Variants in ANKS1B observed in about 807,000 individuals in gnomAD.
ANKS1B encodes the protein ankyrin repeat and sterile alpha motif domain containing 1B.
A neutral mutation model predicts 148.3 loss-of-function variants in ANKS1B; 36 were observed. The observed-to-expected ratio is 0.24, with a 90% CI of 0.19 to 0.32. The LOEUF (loss-of-function observed/expected upper bound fraction) is 0.32, where lower values mean the gene tolerates loss of function less well. Ranked by LOEUF, ANKS1B falls within the 10% of genes least tolerant of loss-of-function variation. ANKS1B has a pLI of 1.00. For missense variants in ANKS1B, 1,157 were observed against 1,542.6 expected (o/e 0.75, Z 4.19); for synonymous variants, 542 against 560.8 (o/e 0.97, Z 0.47).
chr12:99,654,163 A>T (rs540488612), intron 9 of ANKS1B, among the ~76,000 whole-genome samples: 70 of 152,312 alleles, frequency 4.6e-4, no homozygotes, highest in African/African-American at 1.6e-3. Flanking sequence ...TTAGCTTTCT[A>T]CAACAAATTA....
chr12:99,198,150 T>C (rs769106820), intron 14 of ANKS1B, among the ~76,000 whole-genome samples: 4 of 152,182 alleles, frequency 2.6e-5, no homozygotes, highest in Non-Finnish European at 5.9e-5. Flanking sequence ...TTTTTTCTTA[T>C]GGCCACACAG....
At chr12:99,542,712 A>G (rs1379374633) in intron 9 of ANKS1B, among the ~76,000 whole-genome samples, 1 of 152,288 alleles carries the variant, frequency 6.6e-6, no homozygotes, top group African/African-American at 2.4e-5. Context: ...ACAGCATAAG[A>G]ATAGTCATAT....
chr12:99,562,301 T>C (rs1179713449), intron 9 of ANKS1B, among the ~76,000 whole-genome samples: 3 of 152,216 alleles, frequency 2.0e-5, no homozygotes, highest in Non-Finnish European at 4.4e-5. Context: ...GAATGGTCTA[T>C]GAGCATTGGC....
chr12:99,191,216 G>A (rs1426697138), intron 14 of ANKS1B, among the ~76,000 whole-genome samples: 2 of 152,160 alleles, frequency 1.3e-5, no homozygotes, highest in Non-Finnish European at 2.9e-5. Context: ...GAGAGGATAC[G>A]GAGAAATAGG....
At chr12:99,179,972 C>G (rs1252942239) in intron 14 of ANKS1B, among the ~76,000 whole-genome samples, 1 of 152,174 alleles carries the variant, frequency 6.6e-6, no homozygotes, top group African/African-American at 2.4e-5. Flanking sequence ...ACATTCATTT[C>G]TATGAACCCT....
At chr12:99,756,969 T>G (rs2061626210) in intron 8 of ANKS1B, among the ~76,000 whole-genome samples, 1 of 138,250 alleles carries the variant, frequency 7.2e-6, no homozygotes, top group South Asian at 2.7e-4. Context: ...AAGACTTAAA[T>G]GTAATACCCA....
At chr12:99,752,478 C>T (rs576903871) in intron 8 of ANKS1B, among the ~76,000 whole-genome samples, 24 of 151,010 alleles carry the variant, frequency 1.6e-4, no homozygotes, top group African/African-American at 5.6e-4. Context: ...ATAGGTATAA[C>T]GAATGTTTAC....
chr12:99,594,256 G>T (rs573254269), intron 9 of ANKS1B, among the ~76,000 whole-genome samples: 1 of 152,156 alleles, frequency 6.6e-6, no homozygotes, highest in South Asian at 2.1e-4. Context: ...GTGTACTGTT[G>T]TAAGAATGCA....
chr12:98,847,070 T>A (rs1438109072), intron 17 of ANKS1B, among the ~76,000 whole-genome samples: 1 of 152,176 alleles, frequency 6.6e-6, no homozygotes, highest in Non-Finnish European at 1.5e-5. Context: ...AGCTCCCAAA[T>A]TTTCCTCCAG....
intron 24 of ANKS1B, among the ~76,000 whole-genome samples, chr12:98,779,595 A>T (rs1046543251): frequency 2.6e-5 from 4 of 152,170 alleles, no homozygotes; most frequent in African/African-American, 9.7e-5. Flanking sequence ...GTTTCAATTT[A>T]GGGAAAAAAA....
At chr12:99,368,014 C>T (rs1593216897) in intron 12 of ANKS1B, among the ~76,000 whole-genome samples, 3 of 152,156 alleles carry the variant, frequency 2.0e-5, no homozygotes, top group Admixed American at 2.0e-4. Flanking sequence ...ATAAGCCTAA[C>T]TCTATTTTAA....
rs1029693365 is a variant in ANKS1B, at chr12:98,942,536, C to T, written c.2779-110400G>A. On this transcript the variant is annotated intron_variant, in intron 17 of 26. Coordinates refer to ENST00000683438, the MANE Select transcript of ANKS1B (RefSeq NM_001352186.2). Reference sequence around the variant, plus strand: ...CTCCTGCCAAGTCTAGGTTAGGTTCCCCTCAGCAGAATGTCCTTCTCTGTT... The same window carrying T: ...CTCCTGCCAAGTCTAGGTTAGGTTCTCCTCAGCAGAATGTCCTTCTCTGTT... 3.9e-5 allele frequency among the ~76,000 whole-genome samples: 6 copies of T among 152,164 alleles called. No homozygotes were observed. The East Asian group carries it at 1.2e-3, about 29-fold the overall frequency.
intron 3 of ANKS1B, 68 bp from the exon 4 acceptor site, chr12:99,806,768 T>A: frequency 6.9e-7 from 1 of 1,444,886 alleles, no homozygotes; most frequent in Non-Finnish European, 9.5e-7. Context: ...CTTAACACAG[T>A]AATTTAAAAC....
At chr12:98,752,576 T>C (rs768415770) in intron 25 of ANKS1B, among the ~76,000 whole-genome samples, 3 of 152,242 alleles carry the variant, frequency 2.0e-5, no homozygotes, top group Non-Finnish European at 4.4e-5. Flanking sequence ...ATCTTTAAGC[T>C]TGGCAAAATA....
At chr12:99,559,947 AAATAAT>A in intron 9 of ANKS1B, among the ~76,000 whole-genome samples, 1 of 152,304 alleles carries the variant, frequency 6.6e-6, no homozygotes, top group Non-Finnish European at 1.5e-5. Flanking sequence ...GTAAGACCTA[AAATAAT>A]TGTAGAAGAC....
chr12:99,130,548 A>C (rs191462798), intron 15 of ANKS1B, among the ~76,000 whole-genome samples: 1,668 of 152,230 alleles, frequency 0.011, 20 homozygotes, highest in Middle Eastern at 0.017. Flanking sequence ...CCATCACTAT[A>C]GCCACATCAG....
intron 9 of ANKS1B, among the ~76,000 whole-genome samples, chr12:99,561,077 A>G (rs2097331551): frequency 6.6e-6 from 1 of 151,652 alleles, no homozygotes; most frequent in African/African-American, 2.4e-5. Flanking sequence ...CAATCTCCTG[A>G]CCTTGTGATC....
intron 15 of ANKS1B, among the ~76,000 whole-genome samples, chr12:99,126,863 C>A (rs758683285): frequency 3.9e-5 from 6 of 151,912 alleles, no homozygotes; most frequent in Non-Finnish European, 7.4e-5. Flanking sequence ...TTGGTCCAAG[C>A]AAAATGTTAA....
chr12:98,995,688 G>A (rs1400902112), intron 17 of ANKS1B, among the ~76,000 whole-genome samples: 3 of 152,186 alleles, frequency 2.0e-5, no homozygotes, highest in Admixed American at 1.3e-4. Context: ...ACAATGGATT[G>A]TAAGACATTG....
Sources: gnomAD v4.1 joint callset for allele counts (sites outside exome capture counted in the v4.1 genomes callset) on GRCh38, gnomAD v4.1.1 for gene constraint, MANE v1.5 for transcripts, NCBI Gene and HGNC (gene_info 2026-07-23, HGNC 2026-07-21) for gene names.